Variants in DMD observed in about 807,000 individuals in gnomAD.
DMD encodes dystrophin.
In DMD, 63 loss-of-function variants were observed where a neutral mutation model predicts 330.1. The ratio of observed to expected loss-of-function variants is 0.19; its 90% CI spans 0.16 to 0.24. The LOEUF (loss-of-function observed/expected upper bound fraction) is 0.24. Among genes scored for constraint, DMD ranks in the 10% least tolerant of loss-of-function variants. The pLI is 1.00. For missense variants in DMD, 3,344 were observed against 2,684.1 expected, an observed-to-expected ratio of 1.25 and a Z score of -5.43; for synonymous variants, 1,223 against 959.8, an observed-to-expected ratio of 1.27 and a Z score of -5.07.
intron 47 of DMD, among the ~76,000 whole-genome samples, chrX:31,894,895 C>A (rs953050642): frequency 2.7e-5 from 3 of 109,358 alleles, no homozygotes; most frequent in Non-Finnish European, 5.7e-5. Context: ...TATATTTTTA[C>A]AGGTGAAGCA....
At chrX:32,322,276 A>G (rs973837652) in intron 41 of DMD, among the ~76,000 whole-genome samples, 1 of 112,014 alleles carries the variant, frequency 8.9e-6, no homozygotes, top group Admixed American at 9.5e-5. Flanking sequence ...GCAAAAAAGA[A>G]TTAAATAAGT....
intron 9 of DMD, among the ~76,000 whole-genome samples, chrX:32,692,200 A>G (rs1462269835): frequency 8.9e-6 from 1 of 112,374 alleles, no homozygotes; most frequent in Non-Finnish European, 1.9e-5. Context: ...TTAAACGATA[A>G]GAGTGTAACT....
chrX:32,377,984 A>G (rs1312590715), intron 34 of DMD, among the ~76,000 whole-genome samples: 2 of 111,030 alleles, frequency 1.8e-5, no homozygotes, highest in African/African-American at 6.5e-5. Flanking sequence ...TCATGGAGCC[A>G]TGTTGGTAGA....
At chrX:33,165,180 C>G (rs1482626549) in intron 1 of DMD, among the ~76,000 whole-genome samples, 1 of 111,148 alleles carries the variant, frequency 9.0e-6, no homozygotes, top group East Asian at 2.8e-4. Flanking sequence ...CCTGACAAAC[C>G]CACAGAACTG....
At chrX:32,900,246 T>G (rs1044904102) in intron 2 of DMD, among the ~76,000 whole-genome samples, 7 of 111,931 alleles carry the variant, frequency 6.3e-5, no homozygotes, top group African/African-American at 2.3e-4. Flanking sequence ...TGAATAGGAA[T>G]AATAAATACA....
intron 44 of DMD, among the ~76,000 whole-genome samples, chrX:32,208,816 T>C (rs903882668): frequency 1.8e-5 from 2 of 111,373 alleles, no homozygotes; most frequent in Admixed American, 9.6e-5. Context: ...GTATTTAACA[T>C]ATGCTCCAAT....
At chrX:31,727,121 T>C (rs2086121776) in intron 52 of DMD, among the ~76,000 whole-genome samples, 1 of 112,332 alleles carries the variant, frequency 8.9e-6, no homozygotes, top group African/African-American at 3.2e-5. Context: ...AAAATTGAAG[T>C]GATTTTTCAT....
intron 44 of DMD, chrX:32,206,188 G>T: frequency 2.0e-6 from 1 of 510,066 alleles, no homozygotes; most frequent in Non-Finnish European, 3.6e-6. Flanking sequence ...GTGGTCTTAC[G>T]GTTGAAGTGT....
chrX:31,260,989 G>C lies in DMD; in HGVS notation c.9252C>G (p.Asp3084Glu), dbSNP rs1483477599. 8.3e-7 allele frequency: 1 copy of C among 1,209,293 alleles called. No individual in the cohort carries two copies. Among genetic ancestry groups the C allele is most frequent in the East Asian group, 3.0e-5 (1 of 33,769 alleles). The change falls in exon 63 of 79, where the codon GAC becomes GAG. Residue 3084 changes from aspartate (D) to glutamate (E), a missense_variant. By Grantham distance (45) the Asp-to-Glu change is conservative. Transcript: ENST00000357033. ...GGTAGAGCTCTGTCATTTTGGGATG[G>C]TCCCAGCAAGTTGTTTGAGTCTCGT... is the stretch of plus-strand genomic sequence containing the variant. ...INHETQTTCWDHPKMTELYQS... is the reference protein window; with the variant it reads ...INHETQTTCWEHPKMTELYQS...
At chrX:31,215,511 G>A (rs1053158195) in intron 64 of DMD, among the ~76,000 whole-genome samples, 1 of 111,458 alleles carries the variant, frequency 9.0e-6, no homozygotes, top group Non-Finnish European at 1.9e-5. Flanking sequence ...GTTAGTATTC[G>A]TTAATGTCTT....
At position 33,295,053 on chromosome X, in the gene DMD, G is replaced by A. The variant is rs181118976; in HGVS notation, c.7+44206C>T. Among the ~76,000 whole-genome samples, 220 of 111,275 alleles carry A rather than the reference G, an allele frequency of 2.0e-3. 1 individual carries two copies. Among genetic ancestry groups the A allele is most frequent in the Middle Eastern group, 4.7e-3 (1 of 212 alleles). On this transcript the variant is annotated intron_variant, in intron 1 of 17. Transcript: ENST00000288447. The stretch of plus-strand genomic sequence containing the variant: ...GACTTTGAAATTAAAGATTTACTAT[G>A]GATTGTGAAAGCTGAATGCTAAATC...
chrX:32,835,957 G>A (rs1448647271), intron 4 of DMD, among the ~76,000 whole-genome samples: 1 of 110,508 alleles, frequency 9.0e-6, no homozygotes, highest in African/African-American at 3.3e-5. Flanking sequence ...ATAGAATTAG[G>A]AGGCTGTTCA....
At chrX:33,255,269 A>T (rs939328043) in intron 1 of DMD, among the ~76,000 whole-genome samples, 3 of 111,212 alleles carry the variant, frequency 2.7e-5, no homozygotes, top group African/African-American at 9.7e-5. Flanking sequence ...GTTATACTGA[A>T]TGTAGTCAAT....
chrX:31,922,473 C>G (rs1011129797), intron 47 of DMD, among the ~76,000 whole-genome samples: 6 of 108,305 alleles, frequency 5.5e-5, no homozygotes, highest in Non-Finnish European at 7.6e-5. Flanking sequence ...GTCAGAAGTT[C>G]CAGAGGCCTG....
chrX:31,289,251 C>CAAAAAAA (rs773939250), intron 62 of DMD, among the ~76,000 whole-genome samples: 11 of 23,381 alleles, frequency 4.7e-4, no homozygotes, highest in African/African-American at 8.8e-4. Flanking sequence ...GGTGACAGAG[C>CAAAAAAA]AAAAAAAAAA....
In DMD at chrX:32,298,639, C is replaced by A. The variant is rs867653120; in HGVS notation, c.6118-10938G>T. Among the ~76,000 whole-genome samples, 12 of 110,375 alleles carry A rather than the reference C, an allele frequency of 1.1e-4. No individual in the cohort carries two copies. The South Asian group carries it at 1.5e-3, about 14-fold the overall frequency. On this transcript the variant is annotated intron_variant, in intron 42 of 78. Transcript: ENST00000357033. Reference sequence around the variant, plus strand: ...AAAATACTGATGTTTTGCTATATTCCCTTTCCAGACCTCTTTTCTTCCAAA... The same window carrying A: ...AAAATACTGATGTTTTGCTATATTCACTTTCCAGACCTCTTTTCTTCCAAA...
intron 29 of DMD, among the ~76,000 whole-genome samples, chrX:32,427,304 T>C (rs2098217108): frequency 9.0e-6 from 1 of 111,315 alleles, no homozygotes; most frequent in Non-Finnish European, 1.9e-5. Context: ...TAAGTTTGAG[T>C]AGCCTATGAG....
rs1056704694 is a variant in DMD at position 31,444,071 on chromosome X, C to G, written c.9084+410G>C. 1.2e-4 allele frequency among the ~76,000 whole-genome samples: 13 copies of G among 110,570 alleles called. 1 individual carries two copies. The highest frequency in any genetic ancestry group is 1.1e-3 in the Admixed American group (11 of 10,311). Reference sequence around the variant, plus strand: ...TCATGAGAACTGGCACCTCCCCTCCCTCTTTTTCTCCTCCTCTCTTGCCGT... The same window carrying G: ...TCATGAGAACTGGCACCTCCCCTCCGTCTTTTTCTCCTCCTCTCTTGCCGT... On this transcript the variant is annotated intron_variant, in intron 60 of 78. Transcript: ENST00000357033.
At chrX:32,244,415 A>G (rs2097222647) in intron 43 of DMD, among the ~76,000 whole-genome samples, 1 of 80,091 alleles carries the variant, frequency 1.2e-5, no homozygotes, top group South Asian at 8.5e-4. Flanking sequence ...GTGCTGCAAT[A>G]AACATACGTG....
Sources: gnomAD v4.1 joint callset for allele counts (sites outside exome capture counted in the v4.1 genomes callset) on GRCh38, gnomAD v4.1.1 for gene constraint, MANE v1.5 for transcripts, NCBI Gene and HGNC (gene_info 2026-07-23, HGNC 2026-07-21) for gene names.